TMEM132D: variants seen among roughly 807,000 people sequenced by gnomAD.
TMEM132D encodes transmembrane protein 132D.
TMEM132D carries 21 observed loss-of-function variants against 62.3 expected under a neutral mutation model. The ratio of observed to expected loss-of-function variants is 0.34; its 90% confidence interval spans 0.24 to 0.49. TMEM132D has a LOEUF of 0.49. Among genes scored for constraint, TMEM132D ranks in the 20% least tolerant of loss-of-function variants. The probability of loss-of-function intolerance (pLI) is 0.99; values close to 1 mark genes in which losing one functional copy is unlikely to be tolerated. For missense variants in TMEM132D, 1,346 were observed against 1,402.8 expected, an observed-to-expected ratio of 0.96 and a Z score of 0.65; for synonymous variants, 621 against 575.6, an observed-to-expected ratio of 1.08 and a Z score of -1.13.
intron 1 of TMEM132D, among the ~76,000 whole-genome samples, chr12:129,765,344 A>T (rs914977847): frequency 4.6e-5 from 7 of 152,166 alleles, no homozygotes; most frequent in Non-Finnish European, 8.8e-5. Flanking sequence ...AGGGAGGCAG[A>T]TCACCTGAGG....
chr12:129,545,215 C>T (rs746761400), intron 2 of TMEM132D, among the ~76,000 whole-genome samples: 5 of 152,216 alleles, frequency 3.3e-5, no homozygotes, highest in South Asian at 2.1e-4. Flanking sequence ...TACTGCACCA[C>T]GAAGAGGCTG....
At chr12:129,777,356 G>A (rs537478665) in intron 1 of TMEM132D, among the ~76,000 whole-genome samples, 2 of 152,222 alleles carry the variant, frequency 1.3e-5, no homozygotes, top group Non-Finnish European at 2.9e-5. Flanking sequence ...TTAAATTAGC[G>A]ATTAATCCAA....
chr12:129,777,722 AC>A (rs1870986231), intron 1 of TMEM132D, among the ~76,000 whole-genome samples: 1 of 152,172 alleles, frequency 6.6e-6, no homozygotes, highest in Admixed American at 6.5e-5. Flanking sequence ...CCAACTTTTT[AC>A]CACCCCTTTA....
intron 3 of TMEM132D, among the ~76,000 whole-genome samples, chr12:129,477,686 T>C (rs1874308845): frequency 6.6e-6 from 1 of 152,050 alleles, no homozygotes; most frequent in Non-Finnish European, 1.5e-5. Flanking sequence ...CTGGGCGTGG[T>C]GGTGGGCACC....
chr12:129,747,494 A>C (rs1460259796), intron 1 of TMEM132D, among the ~76,000 whole-genome samples: 1 of 150,472 alleles, frequency 6.6e-6, no homozygotes, highest in Non-Finnish European at 1.5e-5. Flanking sequence ...ATACCCTCTC[A>C]CACACACTCA....
At chr12:129,675,717 G>T (rs963399802) in intron 2 of TMEM132D, among the ~76,000 whole-genome samples, 2 of 152,130 alleles carry the variant, frequency 1.3e-5, no homozygotes, top group African/African-American at 2.4e-5. Context: ...TCAAGGGGGA[G>T]AAAGTAGTGG....
intron 1 of TMEM132D, among the ~76,000 whole-genome samples, chr12:129,886,020 C>A (rs1593198983): frequency 6.6e-6 from 1 of 152,146 alleles, no homozygotes; most frequent in East Asian, 1.9e-4. Context: ...ATATATTGAA[C>A]TTAAACTTTT....
At chr12:129,683,078 A>G (rs1449322636) in intron 2 of TMEM132D, 1 of 151,946 alleles carries the variant, frequency 6.6e-6, no homozygotes, top group Non-Finnish European at 1.5e-5. Flanking sequence ...TCTTCAACAA[A>G]TATATGTTAA....
intron 4 of TMEM132D, among the ~76,000 whole-genome samples, chr12:129,233,179 G>A (rs1879688956): frequency 6.6e-6 from 1 of 151,992 alleles, no homozygotes; most frequent in Non-Finnish European, 1.5e-5. Context: ...TTTTAAAATT[G>A]TCCATCTCCT....
At position 129,473,650 on chromosome 12, in the gene TMEM132D, C is replaced by T. The variant is rs1874170974; in HGVS notation, c.1115+57409G>A. 2.6e-5 allele frequency among the ~76,000 whole-genome samples: 4 copies of T among 152,234 alleles called. No individual in the cohort carries two copies. The South Asian group carries it at 8.3e-4, about 32-fold the overall frequency. On this transcript the variant is annotated intron_variant, in intron 3 of 8. Coordinates refer to ENST00000422113, the MANE Select transcript of TMEM132D (RefSeq NM_133448.3). ...CTGGCCTGGTTTTAGTTATTTTTAGCTAAAGTATGTAATTGCTTTTCAGAC... is the reference window on the plus strand; with the variant it reads ...CTGGCCTGGTTTTAGTTATTTTTAGTTAAAGTATGTAATTGCTTTTCAGAC...
At chr12:129,487,272 G>A (rs1179357265) in intron 3 of TMEM132D, among the ~76,000 whole-genome samples, 1 of 152,200 alleles carries the variant, frequency 6.6e-6, no homozygotes, top group African/African-American at 2.4e-5. Flanking sequence ...CCGTCACAGA[G>A]GCAGGTGTGG....
chr12:129,825,258 T>C (rs1872632950), intron 1 of TMEM132D, among the ~76,000 whole-genome samples: 1 of 151,834 alleles, frequency 6.6e-6, no homozygotes, highest in Non-Finnish European at 1.5e-5. Context: ...CCTCAGGTCA[T>C]CTGCCCGCCT....
At chr12:129,831,986 C>T (rs1243124209) in intron 1 of TMEM132D, among the ~76,000 whole-genome samples, 1 of 98,668 alleles carries the variant, frequency 1.0e-5, no homozygotes, top group Non-Finnish European at 2.2e-5. Flanking sequence ...CCCCCTGCCT[C>T]AGCCTCCCGA....
chr12:129,439,442 G>A (rs1872878645), intron 3 of TMEM132D, among the ~76,000 whole-genome samples: 1 of 152,032 alleles, frequency 6.6e-6, no homozygotes, highest in Non-Finnish European at 1.5e-5. Flanking sequence ...CACTGGAGTT[G>A]TTTTTTGTTT....
chr12:129,343,148 T>C (rs943246594), intron 3 of TMEM132D, among the ~76,000 whole-genome samples: 4 of 152,180 alleles, frequency 2.6e-5, no homozygotes, highest in African/African-American at 9.7e-5. Flanking sequence ...GCGGCACTAT[T>C]CACAATAGCA....
chr12:129,180,163 C>G (rs1334903233), intron 5 of TMEM132D, among the ~76,000 whole-genome samples: 1 of 152,106 alleles, frequency 6.6e-6, no homozygotes, highest in Non-Finnish European at 1.5e-5. Flanking sequence ...ACCCAGTAAG[C>G]ACAATTCAAC....
chr12:129,149,545 C>T (rs192093282), intron 5 of TMEM132D, among the ~76,000 whole-genome samples: 13 of 152,278 alleles, frequency 8.5e-5, no homozygotes, highest in East Asian at 5.8e-4. Context: ...AGTCAGGAGA[C>T]GTGTTTCTAT....
intron 1 of TMEM132D, among the ~76,000 whole-genome samples, chr12:129,816,134 G>A (rs113471089): frequency 0.048 from 16 of 336 alleles, no homozygotes; most frequent in African/African-American, 0.061. Flanking sequence ...AAGTAGAGTC[G>A]GGGTGTAAAA....
At chr12:129,592,845 G>C (rs155680) in intron 2 of TMEM132D, among the ~76,000 whole-genome samples, 57,538 of 148,818 alleles carry the variant, frequency 0.39, 11,025 homozygotes, top group Non-Finnish European at 0.41. Flanking sequence ...CAGCTCCGAA[G>C]CAGGATTTCT....
Sources: allele counts gnomAD v4.1 joint callset (sites outside exome capture counted in the v4.1 genomes callset), GRCh38; gene constraint gnomAD v4.1.1; transcripts MANE v1.5; gene names NCBI Gene and HGNC (gene_info 2026-07-23, HGNC 2026-07-21).